Variants in COX6B2 observed in about 807,000 individuals in gnomAD.
The protein encoded by COX6B2 is COX VIb-2.
A neutral mutation model predicts 13.7 loss-of-function variants in COX6B2; 12 were observed. The observed-to-expected ratio is 0.87, with a 90% CI of 0.56 to 1.41. The LOEUF (loss-of-function observed/expected upper bound fraction) is 1.41. COX6B2 is among the 40% of genes most tolerant of loss of function. The pLI is 0.00. For missense variants in COX6B2, 130 were observed against 118.3 expected, an observed-to-expected ratio of 1.10 and a Z score of -0.46; for synonymous variants, 56 against 46.6, an observed-to-expected ratio of 1.20 and a Z score of -0.82.
rs776594364 is a variant in COX6B2, at chr19:55,353,899, G to T, written c.180C>A (p.Phe60Leu). 1.3e-6 allele frequency: 2 copies of T among 1,571,726 alleles called. No individual in the cohort carries two copies. Among genetic ancestry groups the T allele is most frequent in the Non-Finnish European group, 1.7e-6 (2 of 1,159,738 alleles). Residue 60 changes from phenylalanine to leucine, a missense_variant, in exon 3 of 5, where the codon TTC becomes TTA. Phe to Leu is a conservative substitution (Grantham distance 22). Coordinates refer to ENST00000326529, the MANE Select transcript of COX6B2 (RefSeq NM_144613.5). ...TGGGGCACAGCGAGTGGTACACGCG[G>T]AAATAGTACTCGCAGGGCTGCGTGC... ...GKSTQPCEYY[F>L]RVYHSLCPIS...
chr19:55,351,202 C>T (rs184981918), intron 4 of COX6B2, among the ~76,000 whole-genome samples: 3 of 152,326 alleles, frequency 2.0e-5, no homozygotes, highest in African/African-American at 4.8e-5. Context: ...TTCACATCGC[C>T]GTCCTCCCCA....
rs1211224920 is a variant in COX6B2 at position 55,353,872 on chromosome 19, G to A, written c.207C>T (p.Ile69=). ...YFRVYHSLCP[I]SWVESWNEQI... is the part of the protein sequence containing the mutation. ...GCCCCCTCTGCCGACTCACCCAGCT[G>A]ATGGGGCACAGCGAGTGGTACACGC... The change falls in exon 3 of 5, where the codon ATC becomes ATT. Residue 69 remains isoleucine, a synonymous_variant. Coordinates refer to ENST00000326529, the MANE Select transcript of COX6B2 (RefSeq NM_144613.5). 2 of 1,576,780 alleles carry A rather than the reference G, an allele frequency of 1.3e-6. No homozygotes were observed. The highest frequency in any genetic ancestry group is 1.7e-6 in the Non-Finnish European group (2 of 1,162,018).
rs1006781441 is a variant in COX6B2, at chr19:55,350,171, A to C, written c.*744T>G. 9 of 152,248 alleles carry C rather than the reference A, an allele frequency of 5.9e-5. No homozygotes were observed. The highest frequency in any genetic ancestry group is 2.2e-4 in the African/African-American group (9 of 41,440). The allele number at this position is 152,248 out of a possible 1,614,324, so 9.4% of individuals were successfully genotyped here. On this transcript the variant is annotated 3_prime_UTR_variant, in exon 5 of 5. Coordinates refer to ENST00000326529, the MANE Select transcript of COX6B2 (RefSeq NM_144613.5). The surrounding 1 kb of genome is among the most constrained non-coding windows in gnomAD (Gnocchi z 4.2). ...AATAAAAATGGTGAGGGCGTTAGAA[A>C]CTGGCGATCAGGGTTTCCTGGCCTC...
At chr19:55,354,241 C>A in intron 2 of COX6B2, 169 bp downstream of exon 2, 3 of 674,802 alleles carry the variant, frequency 4.4e-6, no homozygotes, top group Non-Finnish European at 7.7e-6. Context: ...CTCGCCCCGC[C>A]CCTCCAGGCT....
rs532782350 is a variant in COX6B2, at chr19:55,353,970, T to C, written c.113-4A>G. ...GTCTTGAGGCAGCGGTGGTAGTCTG[T>C]GGCGGGCGGGGGTCACGCGGCAAGC... On this transcript the variant is annotated splice_polypyrimidine_tract_variant and splice_region_variant and intron_variant, in intron 2 of 4. Coordinates refer to ENST00000326529, the MANE Select transcript of COX6B2 (RefSeq NM_144613.5). The C allele has an allele frequency of 2.9e-5, 44 of 1,542,318 alleles. No individual in the cohort carries two copies. In the Admixed American group the frequency reaches 8.2e-4, roughly 29 times the overall value.
Position 55,350,501 on chromosome 19 carries a change from C to T in COX6B2, c.*414G>A, listed in dbSNP as rs2089663374. On this transcript the variant is annotated 3_prime_UTR_variant, in exon 5 of 5. Transcript: ENST00000326529. The surrounding 1 kb of genome is among the most constrained non-coding windows in gnomAD (Gnocchi z 4.2). The stretch of plus-strand genomic sequence containing the variant: ...TAGGGACGTGGGCGCTCTCAGTCAT[C>T]TCGCCCATACAGACAGGAGCTGGCT... The T allele has an allele frequency of 6.6e-6, 1 of 152,368 alleles. No individual in the cohort carries two copies. The highest frequency in any genetic ancestry group is 2.4e-5 in the African/African-American group (1 of 41,476). The allele number at this position is 152,368 out of a possible 1,614,324, so 9.4% of individuals were successfully genotyped here. A position where few individuals can be genotyped will look rare whatever the true frequency, so the allele number is the denominator to read the frequency against.
Position 55,353,618 on chromosome 19 carries a change from G to T in COX6B2, c.*103C>A. Reference sequence around the variant, plus strand: ...CAGCAACAGCATACCATTATTCGTGGCTTAGACACTGGGAGGTAGGGGTGG... The same window carrying T: ...CAGCAACAGCATACCATTATTCGTGTCTTAGACACTGGGAGGTAGGGGTGG... On this transcript the variant is annotated 3_prime_UTR_variant, in exon 4 of 5. Coordinates refer to ENST00000326529, the MANE Select transcript of COX6B2 (RefSeq NM_144613.5). 2 of 1,062,988 alleles carry T rather than the reference G, an allele frequency of 1.9e-6. No individual in the cohort carries two copies. The highest frequency in any genetic ancestry group is 2.8e-6 in the Non-Finnish European group (2 of 718,082). 65.8% of individuals were successfully genotyped at this position (1,062,988 alleles called of 1,614,324 possible).
intron 2 of COX6B2, 115 bp from the exon 3 acceptor site, chr19:55,354,081 G>A: frequency 1.1e-6 from 1 of 944,110 alleles, no homozygotes; most frequent in Non-Finnish European, 1.6e-6. Flanking sequence ...CCTCTCCCCT[G>A]GAGGCCTCCG....
chr19:55,353,641 TG>T lies in COX6B2; in HGVS notation c.*79del. On this transcript the variant is annotated 3_prime_UTR_variant, in exon 4 of 5. Transcript: ENST00000326529. ...TGGCTTAGACACTGGGAGGTAGGGGTGGATAACCGAGACCCGGGGCTCCGCG... is the reference window on the plus strand; with the variant it reads ...TGGCTTAGACACTGGGAGGTAGGGGTGATAACCGAGACCCGGGGCTCCGCG... 7.4e-7 allele frequency: 1 copy of T among 1,350,904 alleles called. No homozygotes were observed. The highest frequency in any genetic ancestry group is 1.0e-6 in the Non-Finnish European group (1 of 967,104). The allele number at this position is 1,350,904 out of a possible 1,614,324, so 83.7% of individuals were successfully genotyped here.
rs892681059 is a variant in COX6B2 at position 55,352,593 on chromosome 19, C to T, written c.*114+1014G>A. ...CCGCTTCAGTCAGAGGATGGGGCTTCCCCCTCCTAGGAGCCCCTCTGGAAG... is the reference window on the plus strand; with the variant it reads ...CCGCTTCAGTCAGAGGATGGGGCTTTCCCCTCCTAGGAGCCCCTCTGGAAG... On this transcript the variant is annotated intron_variant, in intron 4 of 4. Transcript: ENST00000326529. This position sits in a 1 kb window ranked among gnomAD's most constrained non-coding sequence, Gnocchi z 6.2. 5 of 152,164 alleles carry T rather than the reference C, an allele frequency of 3.3e-5. No homozygotes were observed. The East Asian group carries it at 9.7e-4, about 29-fold the overall frequency. 9.4% of individuals were successfully genotyped at this position (152,164 alleles called of 1,614,324 possible).
chr19:55,350,178 A>G lies in COX6B2; in HGVS notation c.*737T>C, dbSNP rs1050233733. ...ATGGTGAGGGCGTTAGAAACTGGCGATCAGGGTTTCCTGGCCTCCGCACTG... is the reference window on the plus strand; with the variant it reads ...ATGGTGAGGGCGTTAGAAACTGGCGGTCAGGGTTTCCTGGCCTCCGCACTG... On this transcript the variant is annotated 3_prime_UTR_variant, in exon 5 of 5. Coordinates refer to ENST00000326529, the MANE Select transcript of COX6B2 (RefSeq NM_144613.5). The surrounding 1 kb of genome is among the most constrained non-coding windows in gnomAD (Gnocchi z 4.2). 1 of 152,264 alleles carries G rather than the reference A, an allele frequency of 6.6e-6. No homozygotes were observed. The highest frequency in any genetic ancestry group is 6.5e-5 in the Admixed American group (1 of 15,274). The allele number at this position is 152,264 out of a possible 1,614,324, so 9.4% of individuals were successfully genotyped here. A position where few individuals can be genotyped will look rare whatever the true frequency, so the allele number is the denominator to read the frequency against.
At chr19:55,354,560 G>A in intron 1 of COX6B2, 21 bp from the exon 2 acceptor site, 1 of 1,464,952 alleles carries the variant, frequency 6.8e-7, no homozygotes, top group Non-Finnish European at 9.5e-7. Flanking sequence ...GGACGGGACG[G>A]GGACTCCGTG....
At position 55,352,118 on chromosome 19, in the gene COX6B2, C is replaced by CA. The variant is rs2089673869; in HGVS notation, c.*115-1319dup. ...ACCAACTTAGCTCCATTCTGTGACTCAGAGAGGGGTCCTGCCCCCGTGGTT... is the reference window on the plus strand; with the variant it reads ...ACCAACTTAGCTCCATTCTGTGACTCAAGAGAGGGGTCCTGCCCCCGTGGTT... On this transcript the variant is annotated intron_variant, in intron 4 of 4. Transcript: ENST00000326529. This position sits in a 1 kb window ranked among gnomAD's most constrained non-coding sequence, Gnocchi z 6.2. 1 of 152,238 alleles carries CA rather than the reference C, an allele frequency of 6.6e-6. No individual in the cohort carries two copies. Among genetic ancestry groups the CA allele is most frequent in the Admixed American group, 6.5e-5 (1 of 15,282 alleles). The allele number at this position is 152,238 out of a possible 1,614,324, so 9.4% of individuals were successfully genotyped here.
chr19:55,354,187 G>T, intron 2 of COX6B2: 1 of 600,612 alleles, frequency 1.7e-6, no homozygotes, highest in Non-Finnish European at 2.9e-6. Context: ...GCACCTTCAC[G>T]ACTCGGCCCC....
At position 55,353,745 on chromosome 19, in the gene COX6B2, G is replaced by T. The variant is rs1400028316; in HGVS notation, c.243C>A (p.Asn81Lys). The change falls in exon 4 of 5, where the codon AAC (asparagine) becomes AAA (lysine). Residue 81 changes from asparagine (N) to lysine (K), a missense_variant. Transcript: ENST00000326529. ...GTCAGATTTTGCCGGCGAAAATCCCGTTCTTGATCTGCTCGTTCCAGCTCT... is the reference window on the plus strand; with the variant it reads ...GTCAGATTTTGCCGGCGAAAATCCCTTTCTTGATCTGCTCGTTCCAGCTCT... ...WVESWNEQIKNGIFAGKI is the reference protein window; with the variant it reads ...WVESWNEQIKKGIFAGKI The T allele has an allele frequency of 1.2e-6, 2 of 1,610,462 alleles. No individual in the cohort carries two copies. Among genetic ancestry groups the T allele is most frequent in the African/African-American group, 1.3e-5 (1 of 74,976 alleles).
rs1051322631 is a variant in COX6B2 at position 55,352,236 on chromosome 19, C to T, written c.*114+1371G>A. 2.0e-5 allele frequency: 3 copies of T among 152,194 alleles called. No individual in the cohort carries two copies. The highest frequency in any genetic ancestry group is 2.9e-5 in the Non-Finnish European group (2 of 68,060). 9.4% of individuals were successfully genotyped at this position (152,194 alleles called of 1,614,324 possible). On this transcript the variant is annotated intron_variant, in intron 4 of 4. Transcript: ENST00000326529. This position sits in a 1 kb window ranked among gnomAD's most constrained non-coding sequence, Gnocchi z 6.2. ...TTGAGTCCACACCCTGTGCCCTCAC[C>T]CCATTCTTGGGTTGTGGTCAGAGAC...
At position 55,354,277 on chromosome 19, in the gene COX6B2, C is replaced by T. The variant is rs2089692608; in HGVS notation, c.112+133G>A. ...CAGCCCCGCCTTTTCTCGACCAGGC[C>T]CCGCCCCCACCAACCCGGCCCCGCC... On this transcript the variant is annotated intron_variant, in intron 2 of 4. Transcript: ENST00000326529. The T allele has an allele frequency of 7.4e-6, 6 of 815,098 alleles. No homozygotes were observed. In the East Asian group the frequency reaches 1.5e-4, roughly 21 times the overall value. 50.5% of individuals were successfully genotyped at this position (815,098 alleles called of 1,614,324 possible). A position where few individuals can be genotyped will look rare whatever the true frequency, so the allele number is the denominator to read the frequency against.
intron 4 of COX6B2, among the ~76,000 whole-genome samples, chr19:55,351,414 A>G (rs1257147940): frequency 6.6e-6 from 1 of 152,122 alleles, no homozygotes; most frequent in Non-Finnish European, 1.5e-5. Flanking sequence ...GAGGAGGCGA[A>G]GCTGCGGCCC....
rs754296563 is a variant in COX6B2 at position 55,354,472 on chromosome 19, G to T, written c.50C>A (p.Pro17Gln). Residue 17 changes from proline (P) to glutamine (Q), a missense_variant, in exon 2 of 5, where the codon CCG becomes CAG. By Grantham distance (76) the Pro-to-Gln change is moderately conservative. Transcript: ENST00000326529. ...GCTGGGGAAGCGCGGGTCGAAGGGC[G>T]GCGTCGACCATTTCCCCTTGGGGGG... ...QEPPKGKWST[P>Q]PFDPRFPSQN... 2 of 1,613,996 alleles carry T rather than the reference G, an allele frequency of 1.2e-6. No homozygotes were observed. Among genetic ancestry groups the T allele is most frequent in the Non-Finnish European group, 1.7e-6 (2 of 1,179,934 alleles).
Sources: allele counts gnomAD v4.1 joint callset (sites outside exome capture counted in the v4.1 genomes callset), GRCh38; gene constraint gnomAD v4.1.1; non-coding constraint Gnocchi (gnomAD v3.1); transcripts MANE v1.5; gene names NCBI Gene and HGNC (gene_info 2026-07-23, HGNC 2026-07-21).